KLF12: variants seen among roughly 807,000 people sequenced by gnomAD.
KLF12 encodes the protein Krueppel-like factor 12.
A neutral mutation model predicts 37.8 loss-of-function variants in KLF12; 9 were observed. The ratio of observed to expected loss-of-function variants is 0.24; its 90% CI spans 0.14 to 0.42. The LOEUF (loss-of-function observed/expected upper bound fraction) is 0.42. Ranked by LOEUF, KLF12 falls within the 10% of genes least tolerant of loss-of-function variation. The probability of loss-of-function intolerance (pLI) is 1.00; values close to 1 mark genes in which losing one functional copy is unlikely to be tolerated. For missense variants in KLF12, 411 were observed against 516.0 expected, an observed-to-expected ratio of 0.80 and a Z score of 1.97; for synonymous variants, 208 against 202.1, an observed-to-expected ratio of 1.03 and a Z score of -0.25.
the KLF12 span, among the ~76,000 whole-genome samples, chr13:74,289,891 C>T: frequency 6.6e-6 from 1 of 152,078 alleles, no homozygotes. Flanking sequence ...TATATCGGAG[C>T]CCTCATAAGT....
chr13:73,999,459 C>A (rs554005279), intron 1 of KLF12, among the ~76,000 whole-genome samples: 21 of 152,170 alleles, frequency 1.4e-4, no homozygotes, highest in Non-Finnish European at 2.5e-4. Context: ...ATAGGCCGGG[C>A]ACAGTGGCTC....
chr13:73,733,519 C>T (rs961498499), intron 6 of KLF12, among the ~76,000 whole-genome samples: 20 of 152,260 alleles, frequency 1.3e-4, no homozygotes, highest in South Asian at 8.3e-4. Flanking sequence ...CACACACACA[C>T]GCACGATCAT....
At chr13:74,099,153 G>A (rs143032538) in intron 1 of KLF12, among the ~76,000 whole-genome samples, 1 of 152,254 alleles carries the variant, frequency 6.6e-6, no homozygotes, top group East Asian at 1.9e-4. Flanking sequence ...TTCAAGACCA[G>A]TCTGGGCAAC....
intron 1 of KLF12, among the ~76,000 whole-genome samples, chr13:74,087,337 A>ATT (rs879656662): frequency 2.0e-5 from 3 of 151,338 alleles, no homozygotes; most frequent in African/African-American, 7.3e-5. Flanking sequence ...GTTTAAAAAA[A>ATT]ATTTTTTTTT....
chr13:73,988,901 C>A lies in KLF12; in HGVS notation c.33+6089G>T, dbSNP rs148907890. On this transcript the variant is annotated intron_variant, in intron 2 of 7. Transcript: ENST00000377669. Reference sequence around the variant, plus strand: ...GCTTTAGAATTTTTTTCTCATTTAACCTTCACAATAATTTTATGGAGTAGG... The same window carrying A: ...GCTTTAGAATTTTTTTCTCATTTAAACTTCACAATAATTTTATGGAGTAGG... 3.3e-5 allele frequency among the ~76,000 whole-genome samples: 5 copies of A among 152,258 alleles called. No individual in the cohort carries two copies. The East Asian group carries it at 9.6e-4, about 29-fold the overall frequency.
intron 1 of KLF12, among the ~76,000 whole-genome samples, chr13:74,077,601 T>C (rs1874641754): frequency 6.6e-6 from 1 of 152,192 alleles, no homozygotes; most frequent in African/African-American, 2.4e-5. Context: ...ATTTGTGAGA[T>C]GAGTAACCTT....
Position 73,998,451 on chromosome 13 carries a change from CT to C in KLF12, c.-31-3399del, listed in dbSNP as rs531399875. The stretch of plus-strand genomic sequence containing the variant: ...TCTGCTCAAAGGTAATTTAGTTGCT[CT>C]GTTTCGAGTGAATTGAATGGTGGTG... On this transcript the variant is annotated intron_variant, in intron 1 of 7. Transcript: ENST00000377669. Among the ~76,000 whole-genome samples, 3 of 152,122 alleles carry C rather than the reference CT, an allele frequency of 2.0e-5. No homozygotes were observed. The South Asian group carries it at 6.2e-4, about 32-fold the overall frequency.
chr13:73,855,219 C>T (rs1475969937), intron 3 of KLF12, among the ~76,000 whole-genome samples: 1 of 152,144 alleles, frequency 6.6e-6, no homozygotes, highest in Non-Finnish European at 1.5e-5. Context: ...GCACAGTACC[C>T]AACAGATAGT....
chr13:74,092,923 A>G (rs1875761578), intron 1 of KLF12, among the ~76,000 whole-genome samples: 1 of 152,242 alleles, frequency 6.6e-6, no homozygotes, highest in Admixed American at 6.5e-5. Context: ...CTCTCCTGAA[A>G]GAGGTTTCAG....
At chr13:74,215,923 A>G in the KLF12 span, among the ~76,000 whole-genome samples, 19 of 152,222 alleles carry the variant, frequency 1.2e-4, no homozygotes, top group Non-Finnish European at 2.4e-4. Context: ...AATCTGGAGC[A>G]TTTTCTGCTT....
At chr13:73,712,974 C>T (rs139878883) in intron 7 of KLF12, among the ~76,000 whole-genome samples, 6 of 152,200 alleles carry the variant, frequency 3.9e-5, no homozygotes, top group South Asian at 2.1e-4. Context: ...ATTGGGATGT[C>T]GGGAACTGAA....
the KLF12 span, among the ~76,000 whole-genome samples, chr13:74,234,823 A>C: frequency 6.6e-6 from 1 of 151,782 alleles, no homozygotes; most frequent in East Asian, 1.9e-4. Flanking sequence ...TCGATACCTC[A>C]TATTTTGGAA....
At chr13:73,809,462 C>T (rs1164782898) in intron 5 of KLF12, among the ~76,000 whole-genome samples, 1 of 152,008 alleles carries the variant, frequency 6.6e-6, no homozygotes, top group African/African-American at 2.4e-5. Context: ...AAGAGAAGTT[C>T]GCAATTGTGC....
intron 6 of KLF12, among the ~76,000 whole-genome samples, chr13:73,746,748 T>G (rs936138504): frequency 2.0e-5 from 3 of 151,912 alleles, no homozygotes; most frequent in African/African-American, 7.3e-5. Flanking sequence ...GTGATTTAAT[T>G]ATGGAGTTGA....
chr13:73,998,125 G>C (rs1892170506), intron 1 of KLF12, among the ~76,000 whole-genome samples: 1 of 152,092 alleles, frequency 6.6e-6, no homozygotes, highest in Non-Finnish European at 1.5e-5. Context: ...CAACAGAAGT[G>C]ACCCTGGCCA....
At chr13:73,769,887 T>C (rs1452179362) in intron 5 of KLF12, among the ~76,000 whole-genome samples, 1 of 149,830 alleles carries the variant, frequency 6.7e-6, no homozygotes, top group East Asian at 1.9e-4. Flanking sequence ...CACAGACCAA[T>C]GAAATCTTTC....
intron 3 of KLF12, among the ~76,000 whole-genome samples, chr13:73,849,837 T>C (rs1482016739): frequency 6.6e-6 from 1 of 152,192 alleles, no homozygotes; most frequent in African/African-American, 2.4e-5. Context: ...ATCATGATCT[T>C]TGCCTGGGAG....
intron 2 of KLF12, among the ~76,000 whole-genome samples, chr13:73,970,700 T>C: frequency 6.6e-6 from 1 of 152,152 alleles, no homozygotes; most frequent in African/African-American, 2.4e-5. Context: ...TCGGACAACT[T>C]GGCCGCTAGC....
At chr13:73,883,319 T>C (rs1887069002) in intron 3 of KLF12, among the ~76,000 whole-genome samples, 1 of 152,158 alleles carries the variant, frequency 6.6e-6, no homozygotes, top group South Asian at 2.1e-4. Context: ...GTACCAGTTA[T>C]CATACAAGCC....
Sources: gnomAD v4.1 joint callset for allele counts (sites outside exome capture counted in the v4.1 genomes callset) on GRCh38, gnomAD v4.1.1 for gene constraint, MANE v1.5 for transcripts, NCBI Gene and HGNC (gene_info 2026-07-23, HGNC 2026-07-21) for gene names.